Variants in SPRYD4 observed in about 807,000 individuals in gnomAD.
SPRYD4 encodes the protein SPRY domain containing 4, also known as SPRY domain-containing protein 4.
SPRYD4 carries 12 observed loss-of-function variants against 16.6 expected under a neutral mutation model. That is an observed-to-expected ratio of 0.72 (90% CI 0.46 to 1.17). The LOEUF (loss-of-function observed/expected upper bound fraction) is 1.17. SPRYD4 is among the 50% of genes most tolerant of loss of function. SPRYD4 has a pLI of 0.00. For missense variants in SPRYD4, 260 were observed against 260.2 expected, an observed-to-expected ratio of 1.00 and a Z score of 0.00; for synonymous variants, 98 against 105.4, an observed-to-expected ratio of 0.93 and a Z score of 0.43.
Position 56,475,294 on chromosome 12 carries a change from G to C in SPRYD4, c.*5717G>C. 6.9e-7 allele frequency: 1 copy of C among 1,457,108 alleles called. No individual in the cohort carries two copies. Among genetic ancestry groups the C allele is most frequent in the Non-Finnish European group, 9.2e-7 (1 of 1,085,992 alleles). 90.3% of individuals were successfully genotyped at this position (1,457,108 alleles called of 1,614,324 possible). ...CTGAGCAAACACTCAGCATAGTTTT[G>C]TTATAAAGTAAACCCAAACCAAACA... is the stretch of plus-strand genomic sequence containing the variant. On this transcript the variant is annotated 3_prime_UTR_variant, in exon 2 of 2. Coordinates refer to ENST00000338146, the MANE Select transcript of SPRYD4 (RefSeq NM_207344.4).
Position 56,475,174 on chromosome 12 carries a change from A to T in SPRYD4, c.*5597A>T. On this transcript the variant is annotated 3_prime_UTR_variant, in exon 2 of 2. Coordinates refer to ENST00000338146, the MANE Select transcript of SPRYD4 (RefSeq NM_207344.4). ...AGTGGGTGTTGGGAGAAGGGGAAAA[A>T]TTACCTTCCCTGGAGAGACAGAACT... 6.2e-7 allele frequency: 1 copy of T among 1,609,588 alleles called. No homozygotes were observed. Among genetic ancestry groups the T allele is most frequent in the South Asian group, 1.1e-5 (1 of 91,084 alleles).
chr12:56,472,266 G>T lies in SPRYD4; in HGVS notation c.*2689G>T. 1.5e-6 allele frequency: 2 copies of T among 1,364,396 alleles called. No homozygotes were observed. The highest frequency in any genetic ancestry group is 1.7e-5 in the Admixed American group (1 of 58,666). The allele number at this position is 1,364,396 out of a possible 1,614,324, so 84.5% of individuals were successfully genotyped here. On this transcript the variant is annotated 3_prime_UTR_variant, in exon 2 of 2. Transcript: ENST00000338146. ...AATCACAGGTGTTCTTTGTGAACTGGTGTCAGACTGGATGAGTTTCAGAGA... is the reference window on the plus strand; with the variant it reads ...AATCACAGGTGTTCTTTGTGAACTGTTGTCAGACTGGATGAGTTTCAGAGA...
At position 56,469,655 on chromosome 12, in the gene SPRYD4, C is replaced by T. The variant is rs535780471; in HGVS notation, c.*78C>T. ...AGTGTCCGAAGCCTTTTTACTTTGC[C>T]TCAAGCAACCTCTAGCTCCCACAAT... On this transcript the variant is annotated 3_prime_UTR_variant, in exon 2 of 2. Transcript: ENST00000338146. 1.3e-4 allele frequency: 172 copies of T among 1,368,948 alleles called. No individual in the cohort carries two copies. Among genetic ancestry groups the T allele is most frequent in the Non-Finnish European group, 1.6e-4 (160 of 1,019,712 alleles). The allele number at this position is 1,368,948 out of a possible 1,614,324, so 84.8% of individuals were successfully genotyped here.
rs1870112016 is a variant in SPRYD4 at position 56,479,478 on chromosome 12, A to G, written c.*9901A>G. The G allele has an allele frequency of 2.6e-6, 1 of 379,868 alleles. No homozygotes were observed. The highest frequency in any genetic ancestry group is 4.6e-6 in the Non-Finnish European group (1 of 215,888). The allele number at this position is 379,868 out of a possible 1,614,324, so 23.5% of individuals were successfully genotyped here. A position where few individuals can be genotyped will look rare whatever the true frequency, so the allele number is the denominator to read the frequency against. ...TTAAAAAATCCTAAATCATAAAAGT[A>G]TATTTATATATATTCATGTATGTAT... On this transcript the variant is annotated 3_prime_UTR_variant, in exon 2 of 2. Transcript: ENST00000338146.
chr12:56,473,801 ATACT>A lies in SPRYD4; in HGVS notation c.*4228_*4231del, dbSNP rs1160154962. 9 of 594,368 alleles carry A rather than the reference ATACT, an allele frequency of 1.5e-5. No homozygotes were observed. The highest frequency in any genetic ancestry group is 3.6e-5 in the Admixed American group (1 of 27,990). 36.8% of individuals were successfully genotyped at this position (594,368 alleles called of 1,614,324 possible). ...ATTCAGCTAGAAAATATTTTTTGAA[ATACT>A]TACAGCATTCTGTGCTAGATGCTGT... On this transcript the variant is annotated 3_prime_UTR_variant, in exon 2 of 2. Transcript: ENST00000338146.
At position 56,475,303 on chromosome 12, in the gene SPRYD4, T is replaced by G; in HGVS notation, c.*5726T>G. On this transcript the variant is annotated 3_prime_UTR_variant, in exon 2 of 2. Transcript: ENST00000338146. ...CACTCAGCATAGTTTTGTTATAAAG[T>G]AAACCCAAACCAAACACCCCAAACT... The G allele has an allele frequency of 7.0e-7, 1 of 1,426,432 alleles. No homozygotes were observed. The highest frequency in any genetic ancestry group is 2.2e-5 in the Admixed American group (1 of 45,518). The allele number at this position is 1,426,432 out of a possible 1,614,324, so 88.4% of individuals were successfully genotyped here.
Position 56,479,465 on chromosome 12 carries a change from A to G in SPRYD4, c.*9888A>G. On this transcript the variant is annotated 3_prime_UTR_variant, in exon 2 of 2. Coordinates refer to ENST00000338146, the MANE Select transcript of SPRYD4 (RefSeq NM_207344.4). ...GTTACCTTGATATTTAAAAAATCCT[A>G]AATCATAAAAGTATATTTATATATA... 2.6e-6 allele frequency: 1 copy of G among 390,450 alleles called. No homozygotes were observed. 24.2% of individuals were successfully genotyped at this position (390,450 alleles called of 1,614,324 possible). A position where few individuals can be genotyped will look rare whatever the true frequency, so the allele number is the denominator to read the frequency against.
In SPRYD4 at chr12:56,473,402, G is replaced by T; in HGVS notation, c.*3825G>T. 2 of 1,603,656 alleles carry T rather than the reference G, an allele frequency of 1.2e-6. No individual in the cohort carries two copies. The highest frequency in any genetic ancestry group is 8.5e-7 in the Non-Finnish European group (1 of 1,173,850). ...AAAATTGCTTTATTATAGTAAAAGTGGTACCATTAAACAAATTTATTGCTT... is the reference window on the plus strand; with the variant it reads ...AAAATTGCTTTATTATAGTAAAAGTTGTACCATTAAACAAATTTATTGCTT... On this transcript the variant is annotated 3_prime_UTR_variant, in exon 2 of 2. Transcript: ENST00000338146.
In SPRYD4 at chr12:56,475,579, C is replaced by T. The variant is rs1224883762; in HGVS notation, c.*6002C>T. 3 of 1,587,204 alleles carry T rather than the reference C, an allele frequency of 1.9e-6. No homozygotes were observed. The highest frequency in any genetic ancestry group is 1.7e-6 in the Non-Finnish European group (2 of 1,155,694). On this transcript the variant is annotated 3_prime_UTR_variant, in exon 2 of 2. Coordinates refer to ENST00000338146, the MANE Select transcript of SPRYD4 (RefSeq NM_207344.4). ...CTTGTCCCCATCCTAAGTACACACA[C>T]ATACACCACAATGCTTTCAGTCAGT...
In SPRYD4 at chr12:56,478,296, A is replaced by T. The variant is rs752702815; in HGVS notation, c.*8719A>T. The T allele has an allele frequency of 1.9e-6, 3 of 1,600,670 alleles. No individual in the cohort carries two copies. In the South Asian group the frequency reaches 3.3e-5, roughly 18 times the overall value. ...GAGTGGGTAGAGAAAAGGGAGATGG[A>T]TGTGGAGAAGAGGAACAGAGTTGAG... is the stretch of plus-strand genomic sequence containing the variant. On this transcript the variant is annotated 3_prime_UTR_variant, in exon 2 of 2. Transcript: ENST00000338146.
In SPRYD4 at chr12:56,470,032, G is replaced by C. The variant is rs1187603574; in HGVS notation, c.*455G>C. 6.0e-6 allele frequency: 1 copy of C among 166,040 alleles called. No homozygotes were observed. Among genetic ancestry groups the C allele is most frequent in the African/African-American group, 2.4e-5 (1 of 41,804 alleles). The allele number at this position is 166,040 out of a possible 1,614,324, so 10.3% of individuals were successfully genotyped here. On this transcript the variant is annotated 3_prime_UTR_variant, in exon 2 of 2. Coordinates refer to ENST00000338146, the MANE Select transcript of SPRYD4 (RefSeq NM_207344.4). ...TACCTCTGGCTGAAGGAGTGGTGCA[G>C]TCAATGACTTGGCCCTTTTTCTACA...
In SPRYD4 at chr12:56,476,186, CT is replaced by C; in HGVS notation, c.*6612del. The C allele has an allele frequency of 2.3e-6, 1 of 431,634 alleles. No individual in the cohort carries two copies. The highest frequency in any genetic ancestry group is 4.1e-6 in the Non-Finnish European group (1 of 245,750). 26.7% of individuals were successfully genotyped at this position (431,634 alleles called of 1,614,324 possible). A position where few individuals can be genotyped will look rare whatever the true frequency, so the allele number is the denominator to read the frequency against. ...CTTTCTTTTTTTTGAGACAGTCTTG[CT>C]TTGTCACCCTTGTCACCCAGGCTGG... is the stretch of plus-strand genomic sequence containing the variant. On this transcript the variant is annotated 3_prime_UTR_variant, in exon 2 of 2. Coordinates refer to ENST00000338146, the MANE Select transcript of SPRYD4 (RefSeq NM_207344.4).
chr12:56,469,843 T>G lies in SPRYD4; in HGVS notation c.*266T>G. ...TCCTTGACCTGCTTCCTTCAGTCCC[T>G]CTGCCTCCCTTTGCCCAGGCCTTTC... On this transcript the variant is annotated 3_prime_UTR_variant, in exon 2 of 2. Coordinates refer to ENST00000338146, the MANE Select transcript of SPRYD4 (RefSeq NM_207344.4). The G allele has an allele frequency of 2.1e-6, 1 of 484,050 alleles. No individual in the cohort carries two copies. The highest frequency in any genetic ancestry group is 3.7e-6 in the Non-Finnish European group (1 of 267,504). The allele number at this position is 484,050 out of a possible 1,614,324, so 30.0% of individuals were successfully genotyped here.
Position 56,477,820 on chromosome 12 carries a change from G to A in SPRYD4, c.*8243G>A. The A allele has an allele frequency of 2.0e-6, 3 of 1,534,458 alleles. No individual in the cohort carries two copies. The highest frequency in any genetic ancestry group is 2.7e-6 in the Non-Finnish European group (3 of 1,127,116). ...GACAAGAAAGACTGCTAGGGAGAAA[G>A]GCATGACAGGGCTAATCAGGAAGGG... On this transcript the variant is annotated 3_prime_UTR_variant, in exon 2 of 2. Transcript: ENST00000338146.
At position 56,479,475 on chromosome 12, in the gene SPRYD4, A is replaced by C. The variant is rs1233807353; in HGVS notation, c.*9898A>C. The C allele has an allele frequency of 2.6e-6, 1 of 385,134 alleles. No homozygotes were observed. Among genetic ancestry groups the C allele is most frequent in the Non-Finnish European group, 4.6e-6 (1 of 219,524 alleles). The allele number at this position is 385,134 out of a possible 1,614,324, so 23.9% of individuals were successfully genotyped here. On this transcript the variant is annotated 3_prime_UTR_variant, in exon 2 of 2. Transcript: ENST00000338146. ...TATTTAAAAAATCCTAAATCATAAA[A>C]GTATATTTATATATATTCATGTATG...
In SPRYD4 at chr12:56,474,452, G is replaced by A. The variant is rs1340527494; in HGVS notation, c.*4875G>A. The A allele has an allele frequency of 2.0e-6, 3 of 1,501,154 alleles. No homozygotes were observed. Among genetic ancestry groups the A allele is most frequent in the African/African-American group, 2.7e-5 (2 of 72,820 alleles). 93.0% of individuals were successfully genotyped at this position (1,501,154 alleles called of 1,614,324 possible). A position where few individuals can be genotyped will look rare whatever the true frequency, so the allele number is the denominator to read the frequency against. ...CTGGAAGTTAGTGAATGAGAGGCAG[G>A]AACAAGCTTCCACCTCTATCTTGAG... On this transcript the variant is annotated 3_prime_UTR_variant, in exon 2 of 2. Transcript: ENST00000338146.
Position 56,470,699 on chromosome 12 carries a change from T to A in SPRYD4, c.*1122T>A, listed in dbSNP as rs1400410601. 6.6e-6 allele frequency: 1 copy of A among 152,190 alleles called. No individual in the cohort carries two copies. The highest frequency in any genetic ancestry group is 2.4e-5 in the African/African-American group (1 of 41,458). 9.4% of individuals were successfully genotyped at this position (152,190 alleles called of 1,614,324 possible). A position where few individuals can be genotyped will look rare whatever the true frequency, so the allele number is the denominator to read the frequency against. ...AACTTCCCGAGGAAGGAAGGAGGCC[T>A]GAGGTTTTGCACAATCTGTTTCAGA... On this transcript the variant is annotated 3_prime_UTR_variant, in exon 2 of 2. Coordinates refer to ENST00000338146, the MANE Select transcript of SPRYD4 (RefSeq NM_207344.4).
chr12:56,470,756 G>T lies in SPRYD4; in HGVS notation c.*1179G>T, dbSNP rs1350291878. 1.3e-5 allele frequency: 2 copies of T among 152,116 alleles called. No individual in the cohort carries two copies. Among genetic ancestry groups the T allele is most frequent in the Non-Finnish European group, 2.9e-5 (2 of 68,040 alleles). 9.4% of individuals were successfully genotyped at this position (152,116 alleles called of 1,614,324 possible). On this transcript the variant is annotated 3_prime_UTR_variant, in exon 2 of 2. Coordinates refer to ENST00000338146, the MANE Select transcript of SPRYD4 (RefSeq NM_207344.4). Reference sequence around the variant, plus strand: ...TTAGACTCAAACCTATGCTTCCCTTGGCAGCAGAATACACTTAACCTAAAG... The same window carrying T: ...TTAGACTCAAACCTATGCTTCCCTTTGCAGCAGAATACACTTAACCTAAAG...
In SPRYD4 at chr12:56,477,569, A is replaced by G; in HGVS notation, c.*7992A>G. ...CCCTCAAAGGAATCAGAGCCCCACC[A>G]GTCTCCCTGGAGAGCTGAACAAATA... On this transcript the variant is annotated 3_prime_UTR_variant, in exon 2 of 2. Transcript: ENST00000338146. 1.5e-6 allele frequency: 2 copies of G among 1,308,924 alleles called. No individual in the cohort carries two copies. The highest frequency in any genetic ancestry group is 2.1e-6 in the Non-Finnish European group (2 of 934,120). The allele number at this position is 1,308,924 out of a possible 1,614,324, so 81.1% of individuals were successfully genotyped here.
Sources: allele counts gnomAD v4.1 joint callset, GRCh38; gene constraint gnomAD v4.1.1; transcripts MANE v1.5; gene names NCBI Gene and HGNC (gene_info 2026-07-23, HGNC 2026-07-21).